PARN: variants seen among roughly 807,000 people sequenced by gnomAD.
PARN encodes poly(A)-specific ribonuclease PARN.
PARN carries 71 observed loss-of-function variants against 102.8 expected under a neutral mutation model. The observed-to-expected ratio is 0.69, with a 90% confidence interval of 0.57 to 0.84. PARN has a LOEUF of 0.84. PARN is among the 40% of genes least tolerant of loss of function. The pLI, the probability that PARN is intolerant of heterozygous loss-of-function variation, is 0.00. For synonymous variants in PARN, 261 were observed against 252.9 expected (o/e 1.03, Z -0.30); for missense variants, 782 against 760.9 (o/e 1.03, Z -0.33).
At chr16:14,556,442 G>A (rs1164027118) in intron 18 of PARN, among the ~76,000 whole-genome samples, 3 of 152,162 alleles carry the variant, frequency 2.0e-5, no homozygotes, top group African/African-American at 7.2e-5. Context: ...TTACAGGCGT[G>A]AGCCACTGCA....
intron 10 of PARN, among the ~76,000 whole-genome samples, chr16:14,604,450 G>A (rs982903018): frequency 1.5e-4 from 22 of 151,558 alleles, no homozygotes; most frequent in South Asian, 2.1e-4. Context: ...TAGTAGAGAC[G>A]GAGTTTCTCC....
At chr16:14,530,553 A>C (rs930773985) in intron 21 of PARN, among the ~76,000 whole-genome samples, 1 of 151,992 alleles carries the variant, frequency 6.6e-6, no homozygotes, top group South Asian at 2.1e-4. Flanking sequence ...TTAAAAAAAA[A>C]AAACTATATT....
At chr16:14,537,287 T>A (rs1391346564) in intron 21 of PARN, among the ~76,000 whole-genome samples, 1 of 151,922 alleles carries the variant, frequency 6.6e-6, no homozygotes, top group Non-Finnish European at 1.5e-5. Context: ...GACAAAAAAA[T>A]AACACAGACT....
rs550727595 is a variant in PARN at position 14,454,211 on chromosome 16, T to C, written c.1671-7130A>G. Among the ~76,000 whole-genome samples, 5 of 152,324 alleles carry C rather than the reference T, an allele frequency of 3.3e-5. No homozygotes were observed. The South Asian group carries it at 1.0e-3, about 32-fold the overall frequency. On this transcript the variant is annotated intron_variant, in intron 22 of 23. Coordinates refer to ENST00000437198, the MANE Select transcript of PARN (RefSeq NM_002582.4). ...TTTGAAAATTTTTGGCCCGGCATGA[T>C]GGCTCATGCCTGTAATCCTAGCACT... is the stretch of plus-strand genomic sequence containing the variant.
At chr16:14,599,989 T>TAC in intron 11 of PARN, 29 bp from the exon 12 acceptor site, 1 of 1,254,860 alleles carries the variant, frequency 8.0e-7, no homozygotes, top group Non-Finnish European at 1.1e-6. Flanking sequence ...ACATATGTAT[T>TAC]ATTGATGTAT....
chr16:14,471,311 C>A (rs1231590806), intron 22 of PARN, among the ~76,000 whole-genome samples: 1 of 152,104 alleles, frequency 6.6e-6, no homozygotes, highest in Non-Finnish European at 1.5e-5. Context: ...AAAGCAGTAA[C>A]TGAAAATTAT....
rs542171863 is a variant in PARN, at chr16:14,630,194, T to A, written c.-69A>T. ...CGCCTCAGCGGTTCTACTCGCCGAA[T>A]TCCGCGGCGACTGCGGCAGTAGCTG... is the stretch of plus-strand genomic sequence containing the variant. On this transcript the variant is annotated 5_prime_UTR_variant, in exon 1 of 24. Coordinates refer to ENST00000437198, the MANE Select transcript of PARN (RefSeq NM_002582.4). The A allele has an allele frequency of 1.3e-5, 18 of 1,413,432 alleles. No individual in the cohort carries two copies. The Admixed American group carries it at 2.7e-4, about 21-fold the overall frequency. The allele number at this position is 1,413,432 out of a possible 1,614,324, so 87.6% of individuals were successfully genotyped here.
chr16:14,508,740 GA>G lies in PARN; in HGVS notation c.1481-25914del, dbSNP rs112398860. 4.0e-3 allele frequency among the ~76,000 whole-genome samples: 572 copies of G among 143,514 alleles called. 4 individuals carry two copies. The highest frequency in any genetic ancestry group is 0.011 in the Middle Eastern group (3 of 276). The allele number at this position is 143,514 out of a possible 152,430, so 94.2% of individuals were successfully genotyped here. Reference sequence around the variant, plus strand: ...TATTCAATGTTGTATGTGGAAACTTGAAAAAAAAAAAAGATAATTTAAAAAT... The same window carrying G: ...TATTCAATGTTGTATGTGGAAACTTGAAAAAAAAAAAGATAATTTAAAAAT... On this transcript the variant is annotated intron_variant, in intron 21 of 23. Coordinates refer to ENST00000437198, the MANE Select transcript of PARN (RefSeq NM_002582.4).
intron 21 of PARN, among the ~76,000 whole-genome samples, chr16:14,527,414 T>C (rs1432567614): frequency 2.6e-5 from 4 of 152,248 alleles, no homozygotes; most frequent in Non-Finnish European, 5.9e-5. Context: ...AATGAGTTGT[T>C]GTCCCATTCC....
At chr16:14,470,977 A>G (rs997061521) in intron 22 of PARN, among the ~76,000 whole-genome samples, 1 of 151,794 alleles carries the variant, frequency 6.6e-6, no homozygotes, top group African/African-American at 2.4e-5. Context: ...TAGAGATGGG[A>G]TCTTGCTATG....
chr16:14,464,265 C>T (rs970539562), intron 22 of PARN, among the ~76,000 whole-genome samples: 3 of 152,058 alleles, frequency 2.0e-5, no homozygotes, highest in Admixed American at 1.3e-4. Flanking sequence ...TTACTCAAAA[C>T]TCATGATAAA....
intron 21 of PARN, among the ~76,000 whole-genome samples, chr16:14,485,886 C>T (rs1466323244): frequency 6.6e-6 from 1 of 152,178 alleles, no homozygotes; most frequent in East Asian, 1.9e-4. Flanking sequence ...CAGGGTTTCA[C>T]CGTGTTGGCC....
At chr16:14,514,595 A>T (rs968629160) in intron 21 of PARN, among the ~76,000 whole-genome samples, 1 of 152,220 alleles carries the variant, frequency 6.6e-6, no homozygotes, top group Non-Finnish European at 1.5e-5. Context: ...CTGAGGAAAG[A>T]TATTTCCTCA....
chr16:14,436,879 G>A lies in PARN; in HGVS notation c.1865-107C>T, dbSNP rs558056291. On this transcript the variant is annotated intron_variant, in intron 23 of 23. Transcript: ENST00000437198. Reference sequence around the variant, plus strand: ...CAGAGGGCCTGTGACGGCTGCAGACGGGGCCAGCGTCTGGCTAAACAGCTG... The same window carrying A: ...CAGAGGGCCTGTGACGGCTGCAGACAGGGCCAGCGTCTGGCTAAACAGCTG... 556 of 799,404 alleles carry A rather than the reference G, an allele frequency of 7.0e-4. 1 individual carries two copies. The African/African-American group carries it at 8.3e-3, about 12-fold the overall frequency. 49.5% of individuals were successfully genotyped at this position (799,404 alleles called of 1,614,324 possible). A position where few individuals can be genotyped will look rare whatever the true frequency, so the allele number is the denominator to read the frequency against.
At chr16:14,584,934 A>G in intron 14 of PARN, 143 bp from the exon 15 acceptor site, 1 of 575,996 alleles carries the variant, frequency 1.7e-6, no homozygotes, top group Non-Finnish European at 3.0e-6. Context: ...AAATACTTAA[A>G]CACAGACAAA....
intron 21 of PARN, among the ~76,000 whole-genome samples, chr16:14,492,071 C>T (rs1964087311): frequency 6.6e-6 from 1 of 152,186 alleles, no homozygotes; most frequent in African/African-American, 2.4e-5. Flanking sequence ...CCCTTGGGAG[C>T]CAGAGCTTGG....
intron 21 of PARN, among the ~76,000 whole-genome samples, chr16:14,490,156 T>G (rs1461915771): frequency 6.6e-6 from 1 of 151,944 alleles, no homozygotes; most frequent in African/African-American, 2.4e-5. Context: ...AGACCCTGTC[T>G]CAAATAAATA....
At chr16:14,554,237 T>C (rs1035251550) in intron 19 of PARN, 86 bp from the exon 20 acceptor site, 1 of 850,334 alleles carries the variant, frequency 1.2e-6, no homozygotes, top group Middle Eastern at 2.5e-4. Flanking sequence ...AAGTCTGAGC[T>C]AATTTGGAGA....
At chr16:14,446,408 G>A (rs747509341) in intron 23 of PARN, among the ~76,000 whole-genome samples, 1 of 152,170 alleles carries the variant, frequency 6.6e-6, no homozygotes, top group Non-Finnish European at 1.5e-5. Context: ...CTACTACAGC[G>A]TCTAGCATGT....
Sources: allele counts gnomAD v4.1 joint callset (sites outside exome capture counted in the v4.1 genomes callset), GRCh38; gene constraint gnomAD v4.1.1; transcripts MANE v1.5; gene names NCBI Gene and HGNC (gene_info 2026-07-23, HGNC 2026-07-21).